The following TTC19 variants were observed in gnomAD, a reference collection of about 807,000 sequenced individuals.
TTC19 encodes the protein tetratricopeptide repeat domain 19, also known as tetratricopeptide repeat protein 19, mitochondrial.
Under a neutral mutation model 49.5 loss-of-function variants are expected in TTC19, and 38 were observed. The observed-to-expected ratio is 0.77, with a 90% CI of 0.59 to 1.01. The LOEUF is 1.01. Ranked by LOEUF, TTC19 falls within the 50% of genes least tolerant of loss-of-function variation. The pLI, the probability that TTC19 is intolerant of heterozygous loss-of-function variation, is 0.00. For synonymous variants in TTC19, 204 were observed against 185.2 expected, an observed-to-expected ratio of 1.10 and a Z score of -0.83; for missense variants, 475 against 477.7, an observed-to-expected ratio of 0.99 and a Z score of 0.05.
At chr17:16,016,552 AT>A (rs769994419) in intron 7 of TTC19, among the ~76,000 whole-genome samples, 1,000 of 94,062 alleles carry the variant, frequency 0.011, 6 homozygotes, top group Non-Finnish European at 0.015. Flanking sequence ...AGTTGTTCTA[AT>A]TTTTTTTTTT....
chr17:16,044,185 A>AAG (rs1023118201), intron 2 of TTC19, among the ~76,000 whole-genome samples: 3 of 151,478 alleles, frequency 2.0e-5, no homozygotes, highest in South Asian at 2.1e-4. Flanking sequence ...AAAAAAAAAA[A>AAG]AAAGAAAGAA....
chr17:16,045,000 A>G (rs550256109), exon 3 of TTC19: 22 of 233,044 alleles, frequency 9.4e-5, no homozygotes, highest in South Asian at 8.0e-4. Flanking sequence ...TGAACTTAAG[A>G]AAAAAAAAAA....
chr17:16,044,900 A>C (rs902612216), exon 3 of TTC19: 2 of 714,140 alleles, frequency 2.8e-6, no homozygotes, highest in Non-Finnish European at 5.0e-6. Context: ...AGAAAGTGGA[A>C]GCAAACAAAG....
chr17:16,035,999 T>A (rs2056282358), intron 2 of TTC19, among the ~76,000 whole-genome samples: 2 of 152,234 alleles, frequency 1.3e-5, no homozygotes, highest in African/African-American at 4.8e-5. Flanking sequence ...GTTAATAGCA[T>A]CTAAAATGGT....
rs778157002 is a variant in TTC19, at chr17:16,029,108, G to GAGTTAAAAA, written c.*1586_*1587insAGTTAAAAA. The GAGTTAAAAA allele has an allele frequency of 2.2e-6, 1 of 452,304 alleles. No homozygotes were observed. 28.0% of individuals were successfully genotyped at this position (452,304 alleles called of 1,614,324 possible). A position where few individuals can be genotyped will look rare whatever the true frequency, so the allele number is the denominator to read the frequency against. On this transcript the variant is annotated 3_prime_UTR_variant, in exon 10 of 10. Transcript: ENST00000261647. ...AATTAATGTCAACCACTCACCTTTTGCATTGAGAATGTTTTTACCTTTTCA... is the reference window on the plus strand; with the variant it reads ...AATTAATGTCAACCACTCACCTTTTGAGTTAAAAACATTGAGAATGTTTTTACCTTTTCA...
intron 1 of TTC19, 36 bp downstream of exon 1, chr17:16,000,068 G>C: frequency 5.3e-6 from 7 of 1,321,576 alleles, no homozygotes; most frequent in Non-Finnish European, 6.7e-6. Flanking sequence ...CGGCCGGGCG[G>C]GGACAGGGGC....
chr17:16,000,860 C>T (rs571161823), intron 2 of TTC19, among the ~76,000 whole-genome samples: 1 of 152,304 alleles, frequency 6.6e-6, no homozygotes, highest in African/African-American at 2.4e-5. Context: ...GCCTCCTCAA[C>T]ATACGCTTTC....
At position 16,034,830 on chromosome 17, in the gene TTC19, T is replaced by C. The variant is rs1461228434; in HGVS notation, c.247+8128T>C. 5 of 1,613,970 alleles carry C rather than the reference T, an allele frequency of 3.1e-6. No homozygotes were observed. In the African/African-American group the frequency reaches 5.3e-5, roughly 17 times the overall value. ...CTGCCTATGGTAATCCCCTTCTGAA[T>C]GTACAGAGGAGACTGAAGAGGGCCG... On this transcript the variant is annotated intron_variant, in intron 2 of 2. Transcript: ENST00000470649.
chr17:16,002,797 C>A lies in TTC19; in HGVS notation c.428C>A (p.Ala143Asp). Residue 143 changes from alanine to aspartate, a missense_variant, in exon 4 of 10, where the codon GCC (alanine) becomes GAC (aspartate). Physicochemically the swap from Ala to Asp is moderately radical, Grantham distance 126. Coordinates refer to ENST00000261647, the MANE Select transcript of TTC19 (RefSeq NM_017775.4). ...CAATTTGTAATTTGCTTTCAGATGG[C>A]CAACTTAGCATTTATACGGGGTCAG... Reference protein sequence around the residue: ...KAITYTYDLMANLAFIRGQLE... With the variant: ...KAITYTYDLMDNLAFIRGQLE... 3.1e-6 allele frequency: 5 copies of A among 1,613,854 alleles called. No individual in the cohort carries two copies. The highest frequency in any genetic ancestry group is 4.2e-6 in the Non-Finnish European group (5 of 1,179,916).
In TTC19 at chr17:16,002,645, T is replaced by C. The variant is rs965344029; in HGVS notation, c.424-148T>C. The C allele has an allele frequency of 4.0e-6, 3 of 749,274 alleles. No individual in the cohort carries two copies. In the Admixed American group the frequency reaches 5.9e-5, roughly 15 times the overall value. 46.4% of individuals were successfully genotyped at this position (749,274 alleles called of 1,614,324 possible). A position where few individuals can be genotyped will look rare whatever the true frequency, so the allele number is the denominator to read the frequency against. On this transcript the variant is annotated intron_variant, in intron 3 of 9. Coordinates refer to ENST00000261647, the MANE Select transcript of TTC19 (RefSeq NM_017775.4). Reference sequence around the variant, plus strand: ...TTCTCACATGATTGCTGTCCTGTGCTTCTTCTTGCAGATTAATTGGTGATG... The same window carrying C: ...TTCTCACATGATTGCTGTCCTGTGCCTCTTCTTGCAGATTAATTGGTGATG...
At chr17:16,014,913 A>T (rs1214342018) in intron 7 of TTC19, among the ~76,000 whole-genome samples, 1 of 152,180 alleles carries the variant, frequency 6.6e-6, no homozygotes, top group Non-Finnish European at 1.5e-5. Flanking sequence ...ACCAAGATAT[A>T]TGAATAGATT....
chr17:16,012,983 G>A (rs1203685924), intron 7 of TTC19, among the ~76,000 whole-genome samples: 1 of 152,100 alleles, frequency 6.6e-6, no homozygotes, highest in African/African-American at 2.4e-5. Context: ...TGGGAGGATC[G>A]CTTGAGCCTA....
intron 7 of TTC19, among the ~76,000 whole-genome samples, chr17:16,021,659 A>G (rs1971388838): frequency 6.6e-6 from 1 of 152,200 alleles, no homozygotes; most frequent in African/African-American, 2.4e-5. Context: ...ACAAAGGGCA[A>G]TTACAGGTAC....
At chr17:16,012,259 C>T (rs1250246697) in intron 7 of TTC19, among the ~76,000 whole-genome samples, 4 of 151,956 alleles carry the variant, frequency 2.6e-5, no homozygotes, top group East Asian at 1.9e-4. Context: ...GAGGCCAAGG[C>T]GGGTGGATCA....
intron 4 of TTC19, 64 bp downstream of exon 4, chr17:16,002,895 G>T (rs1970784682): frequency 6.9e-6 from 10 of 1,453,344 alleles, no homozygotes; most frequent in Non-Finnish European, 9.7e-6. Context: ...AACTGTAATA[G>T]TAAGAGTACA....
At chr17:16,022,172 C>A (rs1971405110) in intron 7 of TTC19, among the ~76,000 whole-genome samples, 1 of 152,128 alleles carries the variant, frequency 6.6e-6, no homozygotes, top group African/African-American at 2.4e-5. Context: ...AGCTTTAATT[C>A]CTGGATTACA....
At chr17:16,012,538 C>T (rs1971105308) in intron 7 of TTC19, among the ~76,000 whole-genome samples, 1 of 152,038 alleles carries the variant, frequency 6.6e-6, no homozygotes, top group African/African-American at 2.4e-5. Flanking sequence ...TTGCCAGTAC[C>T]TTTGGAGCTC....
intron 2 of TTC19, among the ~76,000 whole-genome samples, chr17:16,041,539 G>T (rs1335244236): frequency 6.7e-6 from 1 of 149,294 alleles, no homozygotes; most frequent in Non-Finnish European, 1.5e-5. Context: ...TCAGCCTCCC[G>T]AGCAGCTGGG....
chr17:16,040,843 AAC>A lies in TTC19; in HGVS notation c.248-3656_248-3655del, dbSNP rs1337412950. 6 of 279,004 alleles carry A rather than the reference AAC, an allele frequency of 2.2e-5. No homozygotes were observed. In the East Asian group the frequency reaches 5.4e-4, roughly 25 times the overall value. 17.3% of individuals were successfully genotyped at this position (279,004 alleles called of 1,614,324 possible). On this transcript the variant is annotated intron_variant, in intron 2 of 2. Transcript: ENST00000470649. ...ATAGGAATTTGAGGCCAGCCTGGGC[AAC>A]ACAGTGAGACTCTCCCATCTGTTTA...
Sources: gnomAD v4.1 joint callset for allele counts (sites outside exome capture counted in the v4.1 genomes callset) on GRCh38, gnomAD v4.1.1 for gene constraint, MANE v1.5 for transcripts, NCBI Gene and HGNC (gene_info 2026-07-23, HGNC 2026-07-21) for gene names.